The following GPLD1 variants were observed in gnomAD, a reference collection of about 807,000 sequenced individuals.
The protein encoded by GPLD1 is phosphatidylinositol-glycan-specific phospholipase D.
GPLD1 carries 84 observed loss-of-function variants against 112.6 expected under a neutral mutation model. That is an observed-to-expected ratio of 0.75 (90% CI 0.63 to 0.89). The LOEUF (loss-of-function observed/expected upper bound fraction) is 0.89. GPLD1 is among the 40% of genes least tolerant of loss of function. GPLD1 has a pLI of 0.00. For missense variants in GPLD1, 1,044 were observed against 1,051.5 expected (o/e 0.99, Z 0.10); for synonymous variants, 386 against 403.8 (o/e 0.96, Z 0.53).
chr6:24,451,935 C>T lies in GPLD1; in HGVS notation c.1336-2036G>A, dbSNP rs76603582. 8.1e-3 allele frequency among the ~76,000 whole-genome samples: 1,231 copies of T among 152,336 alleles called. 18 individuals carry two copies. The highest frequency in any genetic ancestry group is 0.027 in the African/African-American group (1,128 of 41,576). On this transcript the variant is annotated intron_variant, in intron 14 of 24. Coordinates refer to ENST00000230036, the MANE Select transcript of GPLD1 (RefSeq NM_001503.4). ...ACTATCAGCTGCACCATCCGGCCCT[C>T]CTACGGGCCAGCCAGTCATTCCGAG...
intron 14 of GPLD1, among the ~76,000 whole-genome samples, chr6:24,451,957 C>G (rs188243793): frequency 4.6e-5 from 7 of 152,160 alleles, no homozygotes; most frequent in East Asian, 1.9e-4. Context: ...CCAGTCATTC[C>G]GAGAGGAGCA....
chr6:24,460,473 T>A lies in GPLD1; in HGVS notation c.888-74A>T, dbSNP rs184521866. Reference sequence around the variant, plus strand: ...CCCTGTAAAACTGAGTTGAAGAATATAGTCAAGTTAATCACAGGTTAAAAG... The same window carrying A: ...CCCTGTAAAACTGAGTTGAAGAATAAAGTCAAGTTAATCACAGGTTAAAAG... On this transcript the variant is annotated intron_variant, in intron 11 of 24. Coordinates refer to ENST00000230036, the MANE Select transcript of GPLD1 (RefSeq NM_001503.4). 24 of 1,505,592 alleles carry A rather than the reference T, an allele frequency of 1.6e-5. No homozygotes were observed. The African/African-American group carries it at 2.2e-4, about 14-fold the overall frequency. 93.3% of individuals were successfully genotyped at this position (1,505,592 alleles called of 1,614,324 possible).
intron 2 of GPLD1, among the ~76,000 whole-genome samples, chr6:24,484,117 G>T (rs529921343): frequency 6.6e-6 from 1 of 151,888 alleles, no homozygotes; most frequent in Admixed American, 6.6e-5. Flanking sequence ...GGGTTTCACC[G>T]TGTTAGCCAG....
chr6:24,467,192 A>C lies in GPLD1; in HGVS notation c.628T>G (p.Cys210Gly). ...KVITENVIVD[C>G]SHIQFLEMYG... Reference sequence around the variant, plus strand: ...ATTTCTAAGAACTGGATATGTGAACAATCAACGATTACATTTTCGGTGATG... The same window carrying C: ...ATTTCTAAGAACTGGATATGTGAACCATCAACGATTACATTTTCGGTGATG... The change falls in exon 8 of 25, where the codon TGT becomes GGT. Residue 210 changes from cysteine (C) to glycine (G), a missense_variant. Physicochemically the swap from Cys to Gly is radical, Grantham distance 159 (BLOSUM62 -3). Coordinates refer to ENST00000230036, the MANE Select transcript of GPLD1 (RefSeq NM_001503.4). 6.3e-7 allele frequency: 1 copy of C among 1,596,258 alleles called. No homozygotes were observed. The highest frequency in any genetic ancestry group is 8.6e-7 in the Non-Finnish European group (1 of 1,163,636).
chr6:24,471,918 T>C (rs1475648084), intron 7 of GPLD1, among the ~76,000 whole-genome samples: 3 of 152,084 alleles, frequency 2.0e-5, no homozygotes, highest in East Asian at 1.9e-4. Flanking sequence ...ACATCAGAAG[T>C]ACACATTACA....
intron 14 of GPLD1, among the ~76,000 whole-genome samples, chr6:24,450,998 T>C (rs779924037): frequency 3.1e-4 from 47 of 151,992 alleles, no homozygotes; most frequent in Non-Finnish European, 4.4e-4. Context: ...ACAGAATAAA[T>C]AAATAAATAA....
chr6:24,491,203 G>C (rs1295647735), upstream of GPLD1, among the ~76,000 whole-genome samples: 1 of 152,094 alleles, frequency 6.6e-6, no homozygotes, highest in Non-Finnish European at 1.5e-5. Context: ...CTGGCCACCA[G>C]AGGCCTTTGA....
In GPLD1 at chr6:24,461,954, G is replaced by A. The variant is rs1224103226; in HGVS notation, c.887+776C>T. Among the ~76,000 whole-genome samples the A allele has an allele frequency of 7.2e-5, 11 of 151,864 alleles. No individual in the cohort carries two copies. The East Asian group carries it at 9.6e-4, about 13-fold the overall frequency. ...TTAAATGAATGCATAAATGACTGTC[G>A]GTTGGTACCTGACTCCAGCAGAAAA... On this transcript the variant is annotated intron_variant, in intron 11 of 24. Coordinates refer to ENST00000230036, the MANE Select transcript of GPLD1 (RefSeq NM_001503.4).
At chr6:24,467,131 A>C (rs1432431965) in intron 8 of GPLD1, 36 bp downstream of exon 8, 1 of 1,286,544 alleles carries the variant, frequency 7.8e-7, no homozygotes, top group Non-Finnish European at 1.1e-6. Context: ...AGTCACAACA[A>C]AATCAGCTGC....
intron 10 of GPLD1, 52 bp from the exon 11 acceptor site, chr6:24,462,847 G>C: frequency 7.7e-7 from 1 of 1,291,342 alleles, no homozygotes; most frequent in Non-Finnish European, 1.1e-6. Flanking sequence ...TCACAAGCAT[G>C]AATTTTACCG....
intron 20 of GPLD1, among the ~76,000 whole-genome samples, chr6:24,441,763 G>T (rs1762752731): frequency 6.6e-6 from 1 of 152,156 alleles, no homozygotes; most frequent in South Asian, 2.1e-4. Context: ...TCTTCATGTT[G>T]TCCTGTCTCT....
At chr6:24,477,844 AAAAGG>A (rs1470465269) in intron 3 of GPLD1, among the ~76,000 whole-genome samples, 1 of 152,230 alleles carries the variant, frequency 6.6e-6, no homozygotes, top group African/African-American at 2.4e-5. Flanking sequence ...ACCAAATAAG[AAAAGG>A]AAAACTACAG....
At position 24,486,091 on chromosome 6, in the gene GPLD1, C is replaced by T. The variant is rs1139459; in HGVS notation, c.137G>A (p.Arg46His). Reference protein sequence around the residue: ...ALEFLQLHNGRVNYRELLLEH... With the variant: ...ALEFLQLHNGHVNYRELLLEH... The stretch of plus-strand genomic sequence containing the variant: ...GATTTCTACCTCTCTGTAGTTAACA[C>T]GCCCATTGTGAAGCTGAAGAAACTC... Residue 46 changes from arginine to histidine, a missense_variant, in exon 2 of 25, where the codon CGT (arginine) becomes CAT (histidine). Transcript: ENST00000230036. 10 of 1,593,490 alleles carry T rather than the reference C, an allele frequency of 6.3e-6. No homozygotes were observed. Among genetic ancestry groups the T allele is most frequent in the East Asian group, 2.2e-5 (1 of 44,760 alleles).
chr6:24,488,052 A>G (rs1764435137), intron 1 of GPLD1, among the ~76,000 whole-genome samples: 1 of 152,156 alleles, frequency 6.6e-6, no homozygotes, highest in Non-Finnish European at 1.5e-5. Context: ...TAATCTTATT[A>G]TTCTTTGAAA....
chr6:24,447,262 T>G (rs749556297), intron 17 of GPLD1, among the ~76,000 whole-genome samples: 1 of 152,132 alleles, frequency 6.6e-6, no homozygotes, highest in East Asian at 1.9e-4. Context: ...TCCCAGCACT[T>G]TGGGACGCCG....
intron 13 of GPLD1, 119 bp downstream of exon 13, chr6:24,456,379 A>G: frequency 1.5e-6 from 1 of 685,206 alleles, no homozygotes; most frequent in Non-Finnish European, 2.4e-6. Flanking sequence ...CCTGGGTGAC[A>G]AGTGAGACTC....
At chr6:24,448,646 C>T (rs1018499434) in intron 15 of GPLD1, among the ~76,000 whole-genome samples, 1 of 152,116 alleles carries the variant, frequency 6.6e-6, no homozygotes, top group Non-Finnish European at 1.5e-5. Flanking sequence ...CACAATTGTG[C>T]AGTGTGCTTG....
At chr6:24,491,739 T>C (rs773360203), upstream of GPLD1, among the ~76,000 whole-genome samples, 1 of 152,020 alleles carries the variant, frequency 6.6e-6, no homozygotes, top group Non-Finnish European at 1.5e-5. Flanking sequence ...CAAACAATAC[T>C]AATCCCAAAT....
At chr6:24,483,809 T>A (rs1422532635) in intron 2 of GPLD1, among the ~76,000 whole-genome samples, 1 of 152,066 alleles carries the variant, frequency 6.6e-6, no homozygotes, top group Non-Finnish European at 1.5e-5. Context: ...AGTGGTGTGA[T>A]CTTGGCTCAC....
Sources: gnomAD v4.1 joint callset for allele counts (sites outside exome capture counted in the v4.1 genomes callset) on GRCh38, gnomAD v4.1.1 for gene constraint, MANE v1.5 for transcripts, NCBI Gene and HGNC (gene_info 2026-07-23, HGNC 2026-07-21) for gene names.